The following FBXL17 variants were observed in gnomAD, a reference collection of about 807,000 sequenced individuals.
The protein encoded by FBXL17 is F-box/LRR-repeat protein 17.
A neutral mutation model predicts 66.2 loss-of-function variants in FBXL17; 22 were observed. The ratio of observed to expected loss-of-function variants is 0.33; its 90% CI spans 0.24 to 0.47. The LOEUF (loss-of-function observed/expected upper bound fraction) is 0.47, where lower values mean the gene tolerates loss of function less well. Among genes scored for constraint, FBXL17 ranks in the 20% least tolerant of loss-of-function variants. The pLI, the probability that FBXL17 is intolerant of heterozygous loss-of-function variation, is 1.00. For missense variants in FBXL17, 878 were observed against 948.2 expected, an observed-to-expected ratio of 0.93 and a Z score of 0.97; for synonymous variants, 474 against 400.5, an observed-to-expected ratio of 1.18 and a Z score of -2.19.
intron 4 of FBXL17, among the ~76,000 whole-genome samples, chr5:108,268,872 G>C (rs187225359): frequency 6.6e-4 from 100 of 152,096 alleles, no homozygotes; most frequent in African/African-American, 2.3e-3. Flanking sequence ...CAGGAGAAAA[G>C]CTTACACATC....
At chr5:108,151,904 T>C (rs943442091) in intron 6 of FBXL17, among the ~76,000 whole-genome samples, 1 of 152,130 alleles carries the variant, frequency 6.6e-6, no homozygotes, top group African/African-American at 2.4e-5. Context: ...AATGCTTGAG[T>C]TAAATGATTC....
rs572720553 is a variant in FBXL17, at chr5:108,214,358, TATTA to T, written c.1614+9759_1614+9762del. Reference sequence around the variant, plus strand: ...AGTGTAATTTATTAATTAGTAAATTTATTAATTGACTTTTTTTTTTTTTTTTTGA... The same window carrying T: ...AGTGTAATTTATTAATTAGTAAATTTATTGACTTTTTTTTTTTTTTTTTGA... On this transcript the variant is annotated intron_variant, in intron 5 of 8. Coordinates refer to ENST00000542267, the MANE Select transcript of FBXL17 (RefSeq NM_001163315.3). 3.1e-3 allele frequency among the ~76,000 whole-genome samples: 456 copies of T among 146,138 alleles called. 5 individuals carry two copies. Among genetic ancestry groups the T allele is most frequent in the African/African-American group, 0.011 (438 of 38,720 alleles).
At chr5:108,030,554 C>T (rs1451587095) in intron 6 of FBXL17, among the ~76,000 whole-genome samples, 1 of 152,056 alleles carries the variant, frequency 6.6e-6, no homozygotes, top group Admixed American at 6.6e-5. Flanking sequence ...ATCTCTTTGG[C>T]GTATTTTGAA....
intron 7 of FBXL17, among the ~76,000 whole-genome samples, chr5:108,000,366 T>C (rs1010102134): frequency 6.6e-6 from 1 of 152,180 alleles, no homozygotes; most frequent in Admixed American, 6.5e-5. Context: ...AGGGAGAAGA[T>C]GAAGACAGGT....
At chr5:108,222,001 T>C (rs1206745479) in intron 5 of FBXL17, among the ~76,000 whole-genome samples, 2 of 152,188 alleles carry the variant, frequency 1.3e-5, no homozygotes, top group East Asian at 1.9e-4. Context: ...CCTCAGAACT[T>C]TGAGGACTAA....
chr5:108,336,862 A>C (rs2150249144), intron 4 of FBXL17, among the ~76,000 whole-genome samples: 1 of 152,266 alleles, frequency 6.6e-6, no homozygotes. Context: ...ACGTCCTAAA[A>C]GCTATACTTT....
At chr5:108,079,030 G>A (rs1046251491) in intron 6 of FBXL17, among the ~76,000 whole-genome samples, 3 of 150,588 alleles carry the variant, frequency 2.0e-5, no homozygotes, top group African/African-American at 7.3e-5. Flanking sequence ...TTTTTTCCCT[G>A]TAGAGACAGG....
intron 7 of FBXL17, among the ~76,000 whole-genome samples, chr5:107,892,344 ATATT>A (rs1749224259): frequency 6.6e-6 from 1 of 152,126 alleles, no homozygotes; most frequent in African/African-American, 2.4e-5. Context: ...TATTCTAAAA[ATATT>A]TATTGGGTAG....
intron 1 of FBXL17, among the ~76,000 whole-genome samples, chr5:108,376,314 T>C (rs369478834): frequency 1.8e-4 from 27 of 152,136 alleles, no homozygotes; most frequent in Admixed American, 8.5e-4. Flanking sequence ...GGCATCCAGA[T>C]TGGGGAGCTG....
intron 4 of FBXL17, among the ~76,000 whole-genome samples, chr5:108,228,558 T>G (rs1292404332): frequency 6.6e-6 from 1 of 152,178 alleles, no homozygotes; most frequent in Non-Finnish European, 1.5e-5. Context: ...TAAAATAAGA[T>G]AATGCATGTA....
chr5:108,175,999 A>T, intron 6 of FBXL17, among the ~76,000 whole-genome samples: 1 of 152,186 alleles, frequency 6.6e-6, no homozygotes, highest in Non-Finnish European at 1.5e-5. Context: ...TTTGACAACA[A>T]TGAGTTATTT....
intron 7 of FBXL17, among the ~76,000 whole-genome samples, chr5:107,923,885 G>T (rs1402758887): frequency 1.3e-5 from 2 of 151,990 alleles, no homozygotes; most frequent in Non-Finnish European, 2.9e-5. Flanking sequence ...CTAATGGAGG[G>T]TGTCAGACAA....
chr5:107,890,390 G>A (rs1380563075), intron 7 of FBXL17, among the ~76,000 whole-genome samples: 1 of 151,940 alleles, frequency 6.6e-6, no homozygotes, highest in African/African-American at 2.4e-5. Flanking sequence ...AGCTGGGCAT[G>A]GTGGTTCATG....
chr5:108,053,777 A>C (rs1747576011), intron 6 of FBXL17, among the ~76,000 whole-genome samples: 1 of 152,192 alleles, frequency 6.6e-6, no homozygotes. Flanking sequence ...ACCCAAAGGA[A>C]TATACATCAT....
chr5:108,159,747 A>G (rs1752135483), intron 6 of FBXL17, among the ~76,000 whole-genome samples: 1 of 152,224 alleles, frequency 6.6e-6, no homozygotes. Flanking sequence ...AAGTGTTCGG[A>G]TAGACTTTAA....
intron 4 of FBXL17, among the ~76,000 whole-genome samples, chr5:108,248,918 C>A (rs1442827925): frequency 6.6e-6 from 1 of 151,918 alleles, no homozygotes; most frequent in African/African-American, 2.4e-5. Context: ...AGCAGACCTA[C>A]CCTAAAAGTA....
chr5:108,252,035 A>G (rs1057501445), intron 4 of FBXL17, among the ~76,000 whole-genome samples: 7 of 152,122 alleles, frequency 4.6e-5, no homozygotes, highest in African/African-American at 1.7e-4. Flanking sequence ...AATAACCATG[A>G]TAAGATCTGT....
Position 108,291,151 on chromosome 5 carries a change from G to A in FBXL17, c.1506+57248C>T, listed in dbSNP as rs200297568. ...GGACTAGTTCCATTTCTGCAACTGTGAAATAAATGATATGAGTGGCAATGA... is the reference window on the plus strand; with the variant it reads ...GGACTAGTTCCATTTCTGCAACTGTAAAATAAATGATATGAGTGGCAATGA... On this transcript the variant is annotated intron_variant, in intron 4 of 8. Transcript: ENST00000542267. Among the ~76,000 whole-genome samples the A allele has an allele frequency of 2.0e-5, 3 of 152,252 alleles. No individual in the cohort carries two copies. In the East Asian group the frequency reaches 5.8e-4, roughly 29 times the overall value.
At chr5:107,912,940 G>A (rs753611552) in intron 7 of FBXL17, among the ~76,000 whole-genome samples, 13 of 152,188 alleles carry the variant, frequency 8.5e-5, no homozygotes, top group Non-Finnish European at 1.5e-4. Context: ...GACTTAGGGA[G>A]GAGCTAAGGT....
Sources: gnomAD v4.1 joint callset for allele counts (sites outside exome capture counted in the v4.1 genomes callset) on GRCh38, gnomAD v4.1.1 for gene constraint, MANE v1.5 for transcripts, NCBI Gene and HGNC (gene_info 2026-07-23, HGNC 2026-07-21) for gene names.